WDPCP: variants seen among roughly 807,000 people sequenced by gnomAD.
The protein encoded by WDPCP is WD repeat-containing and planar cell polarity effector protein fritz homolog.
In WDPCP, 71 loss-of-function variants were observed where a neutral mutation model predicts 93.1. The ratio of observed to expected loss-of-function variants is 0.76; its 90% CI spans 0.63 to 0.93. The LOEUF is 0.93. WDPCP is among the 40% of genes least tolerant of loss of function. The probability of loss-of-function intolerance (pLI) is 0.00; values close to 1 mark genes in which losing one functional copy is unlikely to be tolerated. For synonymous variants in WDPCP, 315 were observed against 315.0 expected (o/e 1.00, Z 0.00); for missense variants, 844 against 887.4 (o/e 0.95, Z 0.62).
Position 63,504,243 on chromosome 2 carries a change from T to C in WDPCP, c.76-11303A>G, listed in dbSNP as rs528600543. On this transcript the variant is annotated intron_variant, in intron 1 of 17. Coordinates refer to ENST00000272321, the MANE Select transcript of WDPCP (RefSeq NM_015910.7). Reference sequence around the variant, plus strand: ...ATGGGGAATAGAAACGTGGGTAACATTTTAAAATACCTACTAAATGCACTT... The same window carrying C: ...ATGGGGAATAGAAACGTGGGTAACACTTTAAAATACCTACTAAATGCACTT... Among the ~76,000 whole-genome samples, 134 of 152,052 alleles carry C rather than the reference T, an allele frequency of 8.8e-4. No homozygotes were observed. The Middle Eastern group carries it at 0.01, about 12-fold the overall frequency.
At chr2:63,231,944 C>G (rs577816063) in intron 14 of WDPCP, among the ~76,000 whole-genome samples, 3 of 152,156 alleles carry the variant, frequency 2.0e-5, no homozygotes, top group Non-Finnish European at 4.4e-5. Context: ...TACAAGGCTA[C>G]AGTACCCAAA....
upstream of WDPCP, chr2:63,588,787 C>A: frequency 3.5e-6 from 2 of 565,500 alleles, no homozygotes; most frequent in South Asian, 2.1e-5. Context: ...TTGCAATCGG[C>A]GCAGAGCGCA....
At chr2:63,203,977 G>T (rs968434164) in intron 14 of WDPCP, among the ~76,000 whole-genome samples, 1 of 152,146 alleles carries the variant, frequency 6.6e-6, no homozygotes, top group African/African-American at 2.4e-5. Context: ...TTGCTTCCAA[G>T]TCTTGGCTCC....
intron 15 of WDPCP, 49 bp from the exon 16 acceptor site, chr2:63,153,623 T>C (rs752782170): frequency 2.2e-6 from 3 of 1,390,052 alleles, no homozygotes; most frequent in African/African-American, 1.4e-5. Context: ...AAAAAGAAAA[T>C]TTTAAGGTTA....
At chr2:63,637,015 A>G (rs1178038897) in intron 3 of WDPCP, among the ~76,000 whole-genome samples, 1 of 152,188 alleles carries the variant, frequency 6.6e-6, no homozygotes, top group Non-Finnish European at 1.5e-5. Context: ...TGGCAGTGAT[A>G]TTTTGGCTAT....
chr2:63,608,121 TTAAA>T (rs1249764894), intron 3 of WDPCP, among the ~76,000 whole-genome samples: 5 of 150,278 alleles, frequency 3.3e-5, no homozygotes, highest in African/African-American at 5.0e-5. Flanking sequence ...GCTACTAATA[TTAAA>T]TAAGTTGCAG....
chr2:63,358,845 C>G (rs1432697357), intron 12 of WDPCP, among the ~76,000 whole-genome samples: 3 of 152,156 alleles, frequency 2.0e-5, no homozygotes, highest in Non-Finnish European at 2.9e-5. Context: ...GATTATAACT[C>G]ATTTTTTAAA....
chr2:63,527,141 T>C (rs2421954), intron 1 of WDPCP, among the ~76,000 whole-genome samples: 40,362 of 152,040 alleles, frequency 0.27, 6,273 homozygotes, highest in East Asian at 0.72. Flanking sequence ...GGCACTGCTT[T>C]GTTCTTGACT....
chr2:63,230,273 T>C (rs1678735528), intron 14 of WDPCP, among the ~76,000 whole-genome samples: 1 of 152,136 alleles, frequency 6.6e-6, no homozygotes, highest in Admixed American at 6.6e-5. Flanking sequence ...ACTCATCCTT[T>C]TTTATGGCTG....
At chr2:63,481,644 G>A (rs1242963127) in intron 6 of WDPCP, among the ~76,000 whole-genome samples, 1 of 152,032 alleles carries the variant, frequency 6.6e-6, no homozygotes, top group African/African-American at 2.4e-5. Context: ...CTCAGGAATG[G>A]AAAACCAGAC....
intron 3 of WDPCP, chr2:63,604,838 A>AAC (rs750621810): frequency 6.2e-7 from 1 of 1,614,206 alleles, no homozygotes; most frequent in Admixed American, 1.7e-5. Flanking sequence ...GAAGCTCTGA[A>AAC]AGATGACAGC....
intron 2 of WDPCP, among the ~76,000 whole-genome samples, chr2:63,668,710 A>G (rs1307494932): frequency 6.6e-6 from 1 of 152,130 alleles, no homozygotes; most frequent in African/African-American, 2.4e-5. Context: ...TTCCAGGGTA[A>G]ACTGAAGACT....
chr2:63,607,262 C>T (rs1001722583), intron 3 of WDPCP: 12 of 204,476 alleles, frequency 5.9e-5, no homozygotes, highest in Non-Finnish European at 1.1e-4. Flanking sequence ...TGCGGACAGG[C>T]GCAGTGACTG....
chr2:63,124,619 TC>T (rs1425816757), intron 17 of WDPCP, among the ~76,000 whole-genome samples: 6 of 152,198 alleles, frequency 3.9e-5, no homozygotes, highest in Admixed American at 2.6e-4. Context: ...TAAGTGATCA[TC>T]TCAGTTTATT....
rs1681409480 is a variant in WDPCP, at chr2:63,259,316, A to G, written c.1906T>C (p.Ser636Pro). 2.5e-6 allele frequency: 4 copies of G among 1,612,362 alleles called. No individual in the cohort carries two copies. The highest frequency in any genetic ancestry group is 2.7e-5 in the African/African-American group (2 of 74,890). The change falls in exon 14 of 18, where the codon TCT becomes CCT. Residue 636 changes from serine (S) to proline (P), a missense_variant. Transcript: ENST00000272321. ...ASDIDAESIT[S>P]GVELLGPLDR... ...TAGCGTTAATTCTTACCAACCCCAGAGGTTATTGATTCTGCATCAATGTCA... is the reference window on the plus strand; with the variant it reads ...TAGCGTTAATTCTTACCAACCCCAGGGGTTATTGATTCTGCATCAATGTCA...
At chr2:63,202,686 G>A (rs1413501423) in intron 14 of WDPCP, among the ~76,000 whole-genome samples, 1 of 152,120 alleles carries the variant, frequency 6.6e-6, no homozygotes, top group Admixed American at 6.5e-5. Flanking sequence ...GTGAATTGTA[G>A]TATTTAGCAT....
intron 13 of WDPCP, among the ~76,000 whole-genome samples, chr2:63,263,953 T>C (rs1303446789): frequency 6.6e-6 from 1 of 152,208 alleles, no homozygotes; most frequent in African/African-American, 2.4e-5. Flanking sequence ...GATACAGAGA[T>C]GAATTTTCCA....
chr2:63,645,858 A>G (rs1384646175), intron 3 of WDPCP, among the ~76,000 whole-genome samples: 2 of 151,864 alleles, frequency 1.3e-5, no homozygotes, highest in Non-Finnish European at 2.9e-5. Flanking sequence ...ATGGACTATC[A>G]TTTTCCATCC....
At chr2:63,442,476 C>T (rs948004630) in intron 6 of WDPCP, 25 of 152,240 alleles carry the variant, frequency 1.6e-4, no homozygotes, top group African/African-American at 5.8e-4. Flanking sequence ...CATGCTCTTG[C>T]CTCCATGACG....
Sources: gnomAD v4.1 joint callset for allele counts (sites outside exome capture counted in the v4.1 genomes callset) on GRCh38, gnomAD v4.1.1 for gene constraint, MANE v1.5 for transcripts, NCBI Gene and HGNC (gene_info 2026-07-23, HGNC 2026-07-21) for gene names.